CPLANE1: variants seen among roughly 807,000 people sequenced by gnomAD.
The protein encoded by CPLANE1 is ciliogenesis and planar polarity effector complex subunit 1.
Under a neutral mutation model 362.5 loss-of-function variants are expected in CPLANE1, and 263 were observed. The ratio of observed to expected loss-of-function variants is 0.73; its 90% CI spans 0.66 to 0.80. The LOEUF is 0.80. CPLANE1 is among the 30% of genes least tolerant of loss of function. CPLANE1 has a pLI of 0.00. For synonymous variants in CPLANE1, 1,212 were observed against 1,302.6 expected, an observed-to-expected ratio of 0.93 and a Z score of 1.50; for missense variants, 3,461 against 3,793.4, an observed-to-expected ratio of 0.91 and a Z score of 2.30.
rs1056121533 is a variant in CPLANE1 at position 37,106,240 on chromosome 5, G to A, written c.*1362C>T. On this transcript the variant is annotated 3_prime_UTR_variant, in exon 53 of 53. Transcript: ENST00000651892. The stretch of plus-strand genomic sequence containing the variant: ...AAATCAGTATATCAAAGAGATATCT[G>A]CACTCCTACATTTATTGCAGCTCTA... 6.6e-6 allele frequency: 1 copy of A among 152,172 alleles called. No individual in the cohort carries two copies. Among genetic ancestry groups the A allele is most frequent in the African/African-American group, 2.4e-5 (1 of 41,438 alleles). 9.4% of individuals were successfully genotyped at this position (152,172 alleles called of 1,614,324 possible).
chr5:37,140,620 A>T, intron 44 of CPLANE1: 2 of 985,428 alleles, frequency 2.0e-6, no homozygotes, highest in Non-Finnish European at 1.2e-6. Context: ...CTATTCACGA[A>T]AAAAAGCTTG....
At chr5:37,132,293 C>T (rs1437863023) in intron 46 of CPLANE1, among the ~76,000 whole-genome samples, 1 of 150,852 alleles carries the variant, frequency 6.6e-6, no homozygotes, top group Non-Finnish European at 1.5e-5. Context: ...AATGTCTTTG[C>T]CCACTTTTTA....
rs1399729257 is a variant in CPLANE1, at chr5:37,162,492, G to A, written c.7663C>T (p.Gln2555Ter). 1.9e-6 allele frequency: 3 copies of A among 1,611,248 alleles called. No individual in the cohort carries two copies. The change falls in exon 38 of 53, where the codon CAA becomes TAA. Residue 2555 changes from glutamine (Q) to a stop codon, truncating the protein, a stop_gained. Coordinates refer to ENST00000651892, the MANE Select transcript of CPLANE1 (RefSeq NM_001384732.1). LOFTEE classifies it high-confidence loss of function. ...GGGTCTGTATTTGTACTTGCATCTTGACTTCCTATAGCTTTCTTTTTTACA... is the reference window on the plus strand; with the variant it reads ...GGGTCTGTATTTGTACTTGCATCTTAACTTCCTATAGCTTTCTTTTTTACA... ...ASVKKKAIGS[Q>*]DASTNTDPEH...
At chr5:37,210,399 C>A in intron 16 of CPLANE1, 1 of 1,011,758 alleles carries the variant, frequency 9.9e-7, no homozygotes, top group Non-Finnish European at 1.6e-6. Context: ...TGACCAAAAA[C>A]TCAAGAATGA....
At chr5:37,105,881 A>G (rs1373406234), downstream of CPLANE1, among the ~76,000 whole-genome samples, 1 of 152,218 alleles carries the variant, frequency 6.6e-6, no homozygotes, top group Non-Finnish European at 1.5e-5. Flanking sequence ...AAAAGATGAC[A>G]TACGAATGGC....
At chr5:37,100,749 T>C in the CPLANE1 span, among the ~76,000 whole-genome samples, 1 of 152,232 alleles carries the variant, frequency 6.6e-6, no homozygotes, top group Admixed American at 6.5e-5. Flanking sequence ...TCCATGAGCA[T>C]GGAATGTTTT....
chr5:37,108,741 TATAAC>T (rs1165798034), intron 51 of CPLANE1, among the ~76,000 whole-genome samples: 11 of 152,174 alleles, frequency 7.2e-5, no homozygotes, highest in Admixed American at 3.9e-4. Flanking sequence ...AGGCCACAGA[TATAAC>T]AGAACGGTGG....
At chr5:37,188,639 C>T (rs1343399537) in intron 21 of CPLANE1, among the ~76,000 whole-genome samples, 1 of 152,114 alleles carries the variant, frequency 6.6e-6, no homozygotes, top group Non-Finnish European at 1.5e-5. Flanking sequence ...AGTAGATCTA[C>T]CATTTGATCC....
chr5:37,108,168 C>G, intron 52 of CPLANE1, 125 bp downstream of exon 52: 2 of 898,622 alleles, frequency 2.2e-6, no homozygotes, highest in Non-Finnish European at 3.4e-6. Context: ...TCAAACTGAC[C>G]TAACAACTTT....
chr5:37,136,223 C>T (rs1443320564), intron 46 of CPLANE1, among the ~76,000 whole-genome samples: 1 of 152,190 alleles, frequency 6.6e-6, no homozygotes, highest in Non-Finnish European at 1.5e-5. Flanking sequence ...GGTAAAAATA[C>T]CCGGTCCAAA....
At chr5:37,159,094 C>CTTTT (rs34035923) in intron 38 of CPLANE1, among the ~76,000 whole-genome samples, 10 of 59,788 alleles carry the variant, frequency 1.7e-4, no homozygotes, top group Non-Finnish European at 2.0e-4. Context: ...AATTCACATT[C>CTTTT]TTTTTTTTTT....
intron 32 of CPLANE1, among the ~76,000 whole-genome samples, chr5:37,171,776 CTCTCTCTCTA>C (rs1383809319): frequency 1.0e-4 from 15 of 146,160 alleles, no homozygotes; most frequent in African/African-American, 3.5e-4. Flanking sequence ...CTCTCTCTCT[CTCTCTCTCTA>C]TCTATCTATT....
At chr5:37,210,353 A>G in intron 16 of CPLANE1, 1 of 1,157,128 alleles carries the variant, frequency 8.6e-7, no homozygotes, top group Non-Finnish European at 1.3e-6. Context: ...CACTTAGGAG[A>G]CGGGAGCAGA....
Position 37,239,719 on chromosome 5 carries a change from G to A in CPLANE1, c.828C>T (p.Asp276=). The A allele has an allele frequency of 6.6e-7, 1 of 1,510,374 alleles. No individual in the cohort carries two copies. The highest frequency in any genetic ancestry group is 8.9e-7 in the Non-Finnish European group (1 of 1,124,920). 93.6% of individuals were successfully genotyped at this position (1,510,374 alleles called of 1,614,324 possible). The part of the protein sequence containing the change: ...LTLAVTLNQK[D]PKATQVLFIN... ...AAGACAGATATTTACTGACCTTGGG[G>A]TCTTTCTGATTAAGAGTTACTGCCA... Residue 276 remains aspartate, a synonymous_variant, in exon 7 of 53, where the codon GAC becomes GAT. Transcript: ENST00000651892.
chr5:37,192,593 G>A (rs148803837), intron 21 of CPLANE1, among the ~76,000 whole-genome samples: 4,347 of 151,956 alleles, frequency 0.029, 225 homozygotes, highest in African/African-American at 0.099. Context: ...GGCCAGGCAC[G>A]GTGGCTCACA....
chr5:37,186,501 C>A, intron 23 of CPLANE1, 107 bp from the exon 24 acceptor site: 2 of 634,632 alleles, frequency 3.2e-6, no homozygotes, highest in Non-Finnish European at 5.8e-6. Flanking sequence ...ACATTTCTTA[C>A]TAATCTTTTG....
At chr5:37,243,199 T>G in intron 5 of CPLANE1, 80 bp from the exon 6 acceptor site, 1 of 793,818 alleles carries the variant, frequency 1.3e-6, no homozygotes. Flanking sequence ...TATATATTCC[T>G]CATCATAAAC....
rs1255719258 is a variant in CPLANE1 at position 37,169,043 on chromosome 5, T to C, written c.6981A>G (p.Thr2327=). The C allele has an allele frequency of 6.2e-7, 1 of 1,614,058 alleles. No homozygotes were observed. The highest frequency in any genetic ancestry group is 1.3e-5 in the African/African-American group (1 of 74,910). The part of the protein sequence containing the change: ...LDQYVGQENL[T]PQQDSSVFIK... ...TAAACACTGAAGAGTCCTGTTGAGG[T>C]GTCAAATTTTCTTGTCCAACATATT... is the stretch of plus-strand genomic sequence containing the variant. Residue 2327 remains threonine (T), a synonymous_variant, in exon 34 of 53, where the codon ACA becomes ACG. Coordinates refer to ENST00000651892, the MANE Select transcript of CPLANE1 (RefSeq NM_001384732.1).
rs752372376 is a variant in CPLANE1 at position 37,169,300 on chromosome 5, G to A, written c.6724C>T (p.His2242Tyr). ...GGAACTTGTGGAATACTTCCTGTAT[G>A]TAAGAAAAGGGGCTGGAATTCTTGT... is the stretch of plus-strand genomic sequence containing the variant. ...SKQEFQPLFL[H>Y]TGSIPQVPFR... Residue 2242 changes from histidine to tyrosine, a missense_variant, in exon 34 of 53, where the codon CAT becomes TAT. By Grantham distance (83) the His-to-Tyr change is moderately conservative. This residue lies in a region of CPLANE1 where 3,380 missense variants were observed against 3,666.1 expected (regional missense o/e 0.92). Coordinates refer to ENST00000651892, the MANE Select transcript of CPLANE1 (RefSeq NM_001384732.1). 1 of 1,614,062 alleles carries A rather than the reference G, an allele frequency of 6.2e-7. No individual in the cohort carries two copies. The highest frequency in any genetic ancestry group is 8.5e-7 in the Non-Finnish European group (1 of 1,180,042).
Sources: gnomAD v4.1 joint callset for allele counts (sites outside exome capture counted in the v4.1 genomes callset) on GRCh38, gnomAD v4.1.1 for gene constraint, gnomAD v4.1.1 regional missense constraint, MANE v1.5 for transcripts, NCBI Gene and HGNC (gene_info 2026-07-23, HGNC 2026-07-21) for gene names.